The following GET4 variants were observed in gnomAD, a reference collection of about 807,000 sequenced individuals.
GET4 encodes Golgi to ER traffic protein 4 homolog.
GET4 carries 20 observed loss-of-function variants against 40.0 expected under a neutral mutation model. The ratio of observed to expected loss-of-function variants is 0.50; its 90% CI spans 0.35 to 0.73. The LOEUF (loss-of-function observed/expected upper bound fraction) is 0.73, where lower values mean the gene tolerates loss of function less well. Among genes scored for constraint, GET4 ranks in the 30% least tolerant of loss-of-function variants. GET4 has a pLI of 0.01. For synonymous variants in GET4, 280 were observed against 194.6 expected (o/e 1.44, Z -3.65); for missense variants, 557 against 454.0 (o/e 1.23, Z -2.06).
chr7:887,268 C>T (rs770436549), intron 3 of GET4, 102 bp from the exon 4 acceptor site: 5 of 1,196,872 alleles, frequency 4.2e-6, no homozygotes, highest in Admixed American at 3.5e-5. Context: ...GTTCCTCTCC[C>T]TGTTAAGTAG....
chr7:880,589 CAG>C (rs1470741909), intron 1 of GET4: 2 of 152,246 alleles, frequency 1.3e-5, no homozygotes, highest in Non-Finnish European at 2.9e-5. Flanking sequence ...GGTCACCTGG[CAG>C]GGGCACGGTG....
intron 1 of GET4, chr7:880,046 A>AT (rs1337626734): frequency 6.6e-6 from 1 of 152,220 alleles, no homozygotes; most frequent in Non-Finnish European, 1.5e-5. Flanking sequence ...TTGTATATAA[A>AT]TATTTGCCCA....
rs769437406 is a variant in GET4 at position 893,977 on chromosome 7, C to A, written c.895+6C>A. The A allele has an allele frequency of 1.3e-6, 2 of 1,574,222 alleles. No homozygotes were observed. The highest frequency in any genetic ancestry group is 3.5e-5 in the Admixed American group (2 of 57,396). On this transcript the variant is annotated splice_donor_region_variant and intron_variant, in intron 8 of 8. Transcript: ENST00000265857. ...TTCCTACGGGGGCCTGCTCGGTAAG[C>A]CGGGGCGCCCTTGTCACACCCACTC...
chr7:890,906 T>G, intron 4 of GET4, 22 bp from the exon 5 acceptor site: 1 of 1,568,168 alleles, frequency 6.4e-7, no homozygotes, highest in Non-Finnish European at 8.8e-7. Flanking sequence ...TGTATTTACA[T>G]TTTTCTGTCT....
At chr7:883,811 G>A in intron 1 of GET4, 1 of 992,284 alleles carries the variant, frequency 1.0e-6, no homozygotes, top group Non-Finnish European at 1.2e-6. Context: ...AGTACAGGAG[G>A]AGAAGCCGTC....
At chr7:881,438 C>A (rs970064246) in intron 1 of GET4, 1 of 150,510 alleles carries the variant, frequency 6.6e-6, no homozygotes, top group African/African-American at 2.4e-5. Flanking sequence ...AATCACAGTG[C>A]GCACTTTCTG....
chr7:878,367 C>A (rs1423149165), intron 1 of GET4: 1 of 470,970 alleles, frequency 2.1e-6, no homozygotes, highest in African/African-American at 2.0e-5. Flanking sequence ...CAGATTATCT[C>A]TTATGGTTCA....
chr7:892,444 A>G (rs1420044071), intron 6 of GET4, 26 bp downstream of exon 6: 3 of 1,576,986 alleles, frequency 1.9e-6, no homozygotes, highest in Non-Finnish European at 2.6e-6. Context: ...CTGCAGGGGG[A>G]GGGGGCTGTG....
chr7:878,740 C>T (rs1314758529), intron 1 of GET4, among the ~76,000 whole-genome samples: 1 of 152,040 alleles, frequency 6.6e-6, no homozygotes, highest in Non-Finnish European at 1.5e-5. Flanking sequence ...ACCACCACCC[C>T]CGGCTAATTT....
intron 5 of GET4, among the ~76,000 whole-genome samples, 169 bp from the exon 6 acceptor site, chr7:892,109 G>C (rs563511243): frequency 6.6e-6 from 1 of 152,262 alleles, no homozygotes; most frequent in South Asian, 2.1e-4. Context: ...TCCCTGGTGT[G>C]CCCTGCACAT....
chr7:877,488 C>T (rs536704600), intron 1 of GET4, among the ~76,000 whole-genome samples: 4 of 80,252 alleles, frequency 5.0e-5, no homozygotes, highest in African/African-American at 1.6e-4. Flanking sequence ...TCCCTGTCCT[C>T]CCTCTGCCCA....
intron 1 of GET4, chr7:884,066 G>A (rs1844139331): frequency 8.4e-7 from 1 of 1,184,348 alleles, no homozygotes; most frequent in African/African-American, 1.6e-5. Context: ...AGGAATATGG[G>A]TCACTGCCTT....
intron 1 of GET4, chr7:883,918 G>A (rs989951889): frequency 9.5e-7 from 1 of 1,056,314 alleles, no homozygotes; most frequent in Non-Finnish European, 1.1e-6. Context: ...TGTGTGCCCA[G>A]AATTCTCCTC....
Position 876,683 on chromosome 7 carries a change from C to A in GET4, c.38C>A (p.Ala13Asp). 2.2e-6 allele frequency: 3 copies of A among 1,343,524 alleles called. No individual in the cohort carries two copies. Among genetic ancestry groups the A allele is most frequent in the Non-Finnish European group, 2.9e-6 (3 of 1,034,300 alleles). The allele number at this position is 1,343,524 out of a possible 1,614,324, so 83.2% of individuals were successfully genotyped here. ...AAAAMAEQES[A>D]RNGGRNRGGV... is the part of the protein sequence containing the mutation. ...GCGGCGATGGCCGAGCAGGAGAGCGCCCGGAACGGCGGCCGCAACCGCGGC... is the reference window on the plus strand; with the variant it reads ...GCGGCGATGGCCGAGCAGGAGAGCGACCGGAACGGCGGCCGCAACCGCGGC... Residue 13 changes from alanine to aspartate, a missense_variant, in exon 1 of 9, where the codon GCC (alanine) becomes GAC (aspartate). Ala to Asp is a moderately radical substitution (Grantham distance 126). Transcript: ENST00000265857.
intron 1 of GET4, chr7:884,556 TG>T (rs1030982384): frequency 1.5e-5 from 5 of 330,608 alleles, no homozygotes; most frequent in Non-Finnish European, 3.0e-5. Flanking sequence ...CGGTCTCCTG[TG>T]GGGGGAGGGC....
intron 4 of GET4, 92 bp downstream of exon 4, chr7:887,611 G>A: frequency 1.0e-6 from 1 of 1,002,606 alleles, no homozygotes; most frequent in Non-Finnish European, 1.4e-6. Context: ...CACCCACCAG[G>A]GCAGAGATGG....
intron 8 of GET4, among the ~76,000 whole-genome samples, chr7:894,207 C>T (rs1031738743): frequency 2.0e-5 from 3 of 152,226 alleles, no homozygotes; most frequent in African/African-American, 4.8e-5. Context: ...GAGGTGTCTT[C>T]CATTTCCTGG....
chr7:892,128 AC>A, intron 5 of GET4, 149 bp from the exon 6 acceptor site: 2 of 688,276 alleles, frequency 2.9e-6, no homozygotes, highest in South Asian at 3.6e-5. Context: ...ATGAGGGAAG[AC>A]ACGCGTGAAG....
chr7:879,461 C>CAT (rs1562891969), intron 1 of GET4, among the ~76,000 whole-genome samples: 8 of 152,186 alleles, frequency 5.3e-5, no homozygotes, highest in Non-Finnish European at 1.0e-4. Context: ...GGGATGAGGT[C>CAT]CTGGCATCTG....
Sources: gnomAD v4.1 joint callset for allele counts (sites outside exome capture counted in the v4.1 genomes callset) on GRCh38, gnomAD v4.1.1 for gene constraint, MANE v1.5 for transcripts, NCBI Gene and HGNC (gene_info 2026-07-23, HGNC 2026-07-21) for gene names.